The following RALGPS1 variants were observed in gnomAD, a reference collection of about 807,000 sequenced individuals.
The protein encoded by RALGPS1 is Ral GEF with PH domain and SH3 binding motif 1.
In RALGPS1, 19 loss-of-function variants were observed where a neutral mutation model predicts 78.8. The observed-to-expected ratio is 0.24, with a 90% confidence interval of 0.17 to 0.35. The LOEUF (loss-of-function observed/expected upper bound fraction) is 0.35. Ranked by LOEUF, RALGPS1 falls within the 10% of genes least tolerant of loss-of-function variation. RALGPS1 has a pLI of 1.00. For missense variants in RALGPS1, 454 were observed against 688.3 expected (o/e 0.66, Z 3.81); for synonymous variants, 228 against 256.3 (o/e 0.89, Z 1.06).
chr9:127,045,877 T>C (rs1461182400), intron 5 of RALGPS1, among the ~76,000 whole-genome samples: 1 of 152,064 alleles, frequency 6.6e-6, no homozygotes, highest in Admixed American at 6.6e-5. Flanking sequence ...ACCTGTTTTG[T>C]GCTAATCTTG....
intron 5 of RALGPS1, among the ~76,000 whole-genome samples, chr9:127,045,966 A>G (rs532106953): frequency 6.6e-6 from 1 of 152,344 alleles, no homozygotes; most frequent in South Asian, 2.1e-4. Context: ...GGCAAGAAAT[A>G]TAAAAGATGA....
At chr9:126,971,215 A>G (rs2040079576) in intron 3 of RALGPS1, among the ~76,000 whole-genome samples, 1 of 152,166 alleles carries the variant, frequency 6.6e-6, no homozygotes, top group African/African-American at 2.4e-5. Context: ...AGCAGGGAAC[A>G]AAAAGGCAAG....
chr9:126,981,272 T>C (rs1482806236), intron 4 of RALGPS1, among the ~76,000 whole-genome samples: 13 of 152,226 alleles, frequency 8.5e-5, no homozygotes, highest in Admixed American at 7.9e-4. Context: ...GTTGTGGGAT[T>C]AGCATGCACA....
intron 1 of RALGPS1, among the ~76,000 whole-genome samples, chr9:126,956,504 C>T (rs2038354134): frequency 6.6e-6 from 1 of 152,192 alleles, no homozygotes; most frequent in Non-Finnish European, 1.5e-5. Flanking sequence ...AGTGCTCTGT[C>T]TTTCCTTCTA....
intron 8 of RALGPS1, among the ~76,000 whole-genome samples, chr9:127,148,353 T>C (rs2058223168): frequency 6.6e-6 from 1 of 152,246 alleles, no homozygotes; most frequent in Admixed American, 6.5e-5. Flanking sequence ...CAGGCACTTC[T>C]TCAGTGCTTG....
At chr9:127,058,779 A>G (rs368630541) in intron 7 of RALGPS1, among the ~76,000 whole-genome samples, 48 of 152,326 alleles carry the variant, frequency 3.2e-4, no homozygotes, top group African/African-American at 1.2e-3. Context: ...GCGCATGTAC[A>G]TAAACACACA....
chr9:127,120,638 G>A (rs941921067), intron 8 of RALGPS1, among the ~76,000 whole-genome samples: 15 of 152,124 alleles, frequency 9.9e-5, no homozygotes, highest in Admixed American at 2.6e-4. Context: ...CCTGGCTAAC[G>A]TGGTGAAACC....
At chr9:127,124,926 T>C (rs779877132) in intron 8 of RALGPS1, among the ~76,000 whole-genome samples, 17 of 152,314 alleles carry the variant, frequency 1.1e-4, no homozygotes, top group Middle Eastern at 3.4e-3. Flanking sequence ...GTTTTCACTA[T>C]TCAAAGTTCT....
At chr9:127,061,114 C>T (rs943653666) in intron 7 of RALGPS1, among the ~76,000 whole-genome samples, 1 of 152,176 alleles carries the variant, frequency 6.6e-6, no homozygotes, top group Non-Finnish European at 1.5e-5. Flanking sequence ...TGCTGAGTGT[C>T]TTGCAGAGTG....
rs766967758 is a variant in RALGPS1 at position 127,168,704 on chromosome 9, G to A, written c.774G>A (p.Val258=). The change falls in exon 10 of 19, where the codon GTG becomes GTA. Residue 258 remains valine, a synonymous_variant. Coordinates refer to ENST00000259351, the MANE Select transcript of RALGPS1 (RefSeq NM_014636.3). ...SYDHLTTLPH[V]QKYLKSVRYI... ...ATCACCTCACCACCCTGCCCCATGT[G>A]CAGAAGTACCTGAAGTCCGTACGCT... is the stretch of plus-strand genomic sequence containing the variant. 1 of 1,613,802 alleles carries A rather than the reference G, an allele frequency of 6.2e-7. No homozygotes were observed. The highest frequency in any genetic ancestry group is 2.2e-5 in the East Asian group (1 of 44,888).
At position 127,220,186 on chromosome 9, in the gene RALGPS1, G is replaced by C. The variant is rs929822721; in HGVS notation, c.*1417G>C. ...AAGTTAACCCTTAAACAGTTTTCTG[G>C]AAGAGACTGAATTTCTGGGTCCTTG... On this transcript the variant is annotated 3_prime_UTR_variant, in exon 19 of 19. Coordinates refer to ENST00000259351, the MANE Select transcript of RALGPS1 (RefSeq NM_014636.3). 6 of 152,166 alleles carry C rather than the reference G, an allele frequency of 3.9e-5. No individual in the cohort carries two copies. The highest frequency in any genetic ancestry group is 1.4e-4 in the African/African-American group (6 of 41,402). The allele number at this position is 152,166 out of a possible 1,614,324, so 9.4% of individuals were successfully genotyped here.
rs1270762746 is a variant in RALGPS1, at chr9:127,222,332, G to C, written c.*3563G>C. On this transcript the variant is annotated 3_prime_UTR_variant, in exon 19 of 19. Coordinates refer to ENST00000259351, the MANE Select transcript of RALGPS1 (RefSeq NM_014636.3). ...GTCTGCGAAAATTCAGTTGCAATGA[G>C]GATGAAGTCACTATCCTAGAGGCTG... 6 of 152,244 alleles carry C rather than the reference G, an allele frequency of 3.9e-5. No individual in the cohort carries two copies. The highest frequency in any genetic ancestry group is 8.8e-5 in the Non-Finnish European group (6 of 68,056). The allele number at this position is 152,244 out of a possible 1,614,324, so 9.4% of individuals were successfully genotyped here.
chr9:127,001,168 G>A (rs1387177066), intron 4 of RALGPS1, among the ~76,000 whole-genome samples: 2 of 151,178 alleles, frequency 1.3e-5, no homozygotes, highest in East Asian at 1.9e-4. Flanking sequence ...CATGCCTGTC[G>A]TCCCAGCTAT....
chr9:127,045,730 TACAC>T (rs60442898), intron 5 of RALGPS1, among the ~76,000 whole-genome samples: 3,776 of 140,924 alleles, frequency 0.027, 102 homozygotes, highest in East Asian at 0.069. Context: ...CATGGGTTAG[TACAC>T]ACACACACAC....
intron 4 of RALGPS1, among the ~76,000 whole-genome samples, chr9:126,995,625 G>A (rs2042672785): frequency 6.6e-6 from 1 of 151,958 alleles, no homozygotes; most frequent in South Asian, 2.1e-4. Flanking sequence ...AGATCAACGA[G>A]ACAGAAAGTT....
At chr9:126,958,158 T>TATATATAC (rs1345241110) in intron 1 of RALGPS1, among the ~76,000 whole-genome samples, 1 of 121,124 alleles carries the variant, frequency 8.3e-6, no homozygotes, top group African/African-American at 2.7e-5. Flanking sequence ...TATATATATA[T>TATATATAC]ACACACACAC....
chr9:126,987,388 C>A (rs1215424475), intron 4 of RALGPS1, among the ~76,000 whole-genome samples: 3 of 152,122 alleles, frequency 2.0e-5, no homozygotes, highest in African/African-American at 4.8e-5. Context: ...AATGAATAAC[C>A]CTTTGGAAAG....
chr9:126,944,532 A>C (rs1410419868), intron 1 of RALGPS1, among the ~76,000 whole-genome samples: 1 of 99,112 alleles, frequency 1.0e-5, no homozygotes, highest in Non-Finnish European at 1.8e-5. Context: ...AAATGTTGAG[A>C]CCCCTGTTTT....
intron 1 of RALGPS1, among the ~76,000 whole-genome samples, chr9:126,931,516 A>G (rs1285592927): frequency 5.9e-5 from 9 of 152,228 alleles, no homozygotes; most frequent in Admixed American, 3.3e-4. Flanking sequence ...AGCAAGACAC[A>G]AAAGTCCACA....
Sources: gnomAD v4.1 joint callset for allele counts (sites outside exome capture counted in the v4.1 genomes callset) on GRCh38, gnomAD v4.1.1 for gene constraint, MANE v1.5 for transcripts, NCBI Gene and HGNC (gene_info 2026-07-23, HGNC 2026-07-21) for gene names.